Variants in DAB1 observed in about 807,000 individuals in gnomAD.
The protein encoded by DAB1 is DAB adaptor protein 1.
DAB1 carries 15 observed loss-of-function variants against 64.6 expected under a neutral mutation model. The ratio of observed to expected loss-of-function variants is 0.23; its 90% CI spans 0.16 to 0.36. The LOEUF (loss-of-function observed/expected upper bound fraction) is 0.36. DAB1 is among the 10% of genes least tolerant of loss of function. The pLI is 1.00. For synonymous variants in DAB1, 235 were observed against 251.9 expected (o/e 0.93, Z 0.64); for missense variants, 596 against 706.7 (o/e 0.84, Z 1.78).
chr1:57,287,547 A>G (rs1310384493), intron 2 of DAB1, among the ~76,000 whole-genome samples: 1 of 152,226 alleles, frequency 6.6e-6, no homozygotes, highest in Non-Finnish European at 1.5e-5. Flanking sequence ...TGCAGGTTAT[A>G]TGCTGTCTCC....
At chr1:57,726,699 T>A (rs757612273) in intron 6 of DAB1, among the ~76,000 whole-genome samples, 5 of 152,238 alleles carry the variant, frequency 3.3e-5, no homozygotes, top group Non-Finnish European at 7.3e-5. Flanking sequence ...TTATTAAACA[T>A]CTTCATTTTG....
At chr1:58,330,012 G>T (rs958406711) in intron 4 of DAB1, among the ~76,000 whole-genome samples, 1 of 152,114 alleles carries the variant, frequency 6.6e-6, no homozygotes, top group Non-Finnish European at 1.5e-5. Context: ...AGCTGGAAAT[G>T]ATTAAGATCA....
At chr1:58,014,255 G>A (rs551487559) in intron 5 of DAB1, among the ~76,000 whole-genome samples, 15 of 152,294 alleles carry the variant, frequency 9.8e-5, no homozygotes, top group African/African-American at 3.6e-4. Flanking sequence ...GAGAATTTGA[G>A]TTTCAAAATT....
intron 1 of DAB1, among the ~76,000 whole-genome samples, chr1:57,319,315 G>A (rs149925724): frequency 1.3e-5 from 2 of 152,114 alleles, no homozygotes; most frequent in African/African-American, 4.8e-5. Flanking sequence ...CTGAGGATTG[G>A]GGGAGGGCAG....
intron 5 of DAB1, among the ~76,000 whole-genome samples, chr1:57,927,242 G>A (rs1644892533): frequency 6.6e-6 from 1 of 152,114 alleles, no homozygotes; most frequent in African/African-American, 2.4e-5. Flanking sequence ...CAACTCTATG[G>A]CAATCTTCCC....
At chr1:58,039,096 C>A (rs1017771747) in intron 5 of DAB1, among the ~76,000 whole-genome samples, 1 of 152,132 alleles carries the variant, frequency 6.6e-6, no homozygotes, top group Non-Finnish European at 1.5e-5. Flanking sequence ...ATGTCTGGGG[C>A]CTTGCTGTTA....
At chr1:57,061,233 G>A (rs998734960) in intron 9 of DAB1, among the ~76,000 whole-genome samples, 6 of 151,062 alleles carry the variant, frequency 4.0e-5, no homozygotes, top group Non-Finnish European at 7.4e-5. Context: ...TTAGATGGGG[G>A]GGGGGGGTGG....
intron 5 of DAB1, among the ~76,000 whole-genome samples, chr1:57,978,294 T>C (rs1349638164): frequency 6.6e-6 from 1 of 152,084 alleles, no homozygotes; most frequent in Non-Finnish European, 1.5e-5. Flanking sequence ...TTGACAAACC[T>C]GAAACAAATA....
At chr1:58,313,686 T>C (rs1662479447) in intron 4 of DAB1, among the ~76,000 whole-genome samples, 1 of 152,140 alleles carries the variant, frequency 6.6e-6, no homozygotes, top group Admixed American at 6.6e-5. Context: ...ATACCCTGGG[T>C]GGCTTAAGCA....
chr1:57,197,416 T>C (rs572105462), intron 2 of DAB1, among the ~76,000 whole-genome samples: 15 of 152,272 alleles, frequency 9.9e-5, no homozygotes, highest in Non-Finnish European at 2.1e-4. Flanking sequence ...ATTTTAACTA[T>C]GAACAACAGC....
chr1:58,302,697 T>C (rs1409162693), intron 4 of DAB1, among the ~76,000 whole-genome samples: 1 of 152,178 alleles, frequency 6.6e-6, no homozygotes, highest in East Asian at 1.9e-4. Flanking sequence ...CAAGTGAGAC[T>C]ATAATAATAA....
intron 5 of DAB1, among the ~76,000 whole-genome samples, chr1:57,995,528 C>CAATA (rs1490745028): frequency 6.6e-6 from 1 of 152,104 alleles, no homozygotes; most frequent in Non-Finnish European, 1.5e-5. Context: ...TCTATTTATT[C>CAATA]AATAATAAAT....
chr1:58,539,058 T>C, intron 1 of DAB1: 1 of 872,982 alleles, frequency 1.1e-6, no homozygotes, highest in South Asian at 1.3e-5. Flanking sequence ...AGAGGCCTCC[T>C]GTTCTTTTGT....
intron 7 of DAB1, among the ~76,000 whole-genome samples, chr1:57,531,413 C>G (rs773503455): frequency 6.6e-6 from 1 of 152,076 alleles, no homozygotes; most frequent in Non-Finnish European, 1.5e-5. Context: ...CACCTGCACC[C>G]AGGTGATTAA....
At chr1:58,008,875 C>T (rs1015026644) in intron 5 of DAB1, among the ~76,000 whole-genome samples, 1 of 152,100 alleles carries the variant, frequency 6.6e-6, no homozygotes, top group African/African-American at 2.4e-5. Context: ...ACTCAACAAC[C>T]CTGAGCACCT....
At chr1:58,228,904 G>A in intron 4 of DAB1, 1 of 524,792 alleles carries the variant, frequency 1.9e-6, no homozygotes, top group Non-Finnish European at 3.7e-6. Context: ...AACAACAGCT[G>A]TAGTGTGTAG....
At chr1:58,165,281 C>T (rs1333312797) in intron 4 of DAB1, among the ~76,000 whole-genome samples, 1 of 152,186 alleles carries the variant, frequency 6.6e-6, no homozygotes. Flanking sequence ...CAAGATTACT[C>T]ACCAAGTGCC....
At chr1:57,984,184 A>AAAG (rs1553150345) in intron 5 of DAB1, among the ~76,000 whole-genome samples, 3 of 50,656 alleles carry the variant, frequency 5.9e-5, no homozygotes, top group African/African-American at 1.1e-4. Context: ...TAGCTTAAAA[A>AAAG]AAAGAAAGAA....
chr1:57,010,742 T>C lies in DAB1; in HGVS notation c.1621A>G (p.Ser541Gly), dbSNP rs1383010081. The C allele has an allele frequency of 6.3e-7, 1 of 1,599,858 alleles. No homozygotes were observed. Among genetic ancestry groups the C allele is most frequent in the South Asian group, 1.1e-5 (1 of 89,380 alleles). Residue 541 changes from serine (S) to glycine (G), a missense_variant, in exon 14 of 15, where the codon AGT becomes GGT. By Grantham distance (56) the Ser-to-Gly change is moderately conservative. Coordinates refer to ENST00000371236, the MANE Select transcript of DAB1 (RefSeq NM_001365792.1). ...SSNSDPFGEP[S>G]GEPSGDNISP... is the part of the protein sequence containing the mutation. ...ATATTATCACCACTGGGCTCCCCAC[T>C]GGGCTCACCAAATGGATCACTGTTG...
Sources: allele counts gnomAD v4.1 joint callset (sites outside exome capture counted in the v4.1 genomes callset), GRCh38; gene constraint gnomAD v4.1.1; transcripts MANE v1.5; gene names NCBI Gene and HGNC (gene_info 2026-07-23, HGNC 2026-07-21).